GHR: variants seen among roughly 807,000 people sequenced by gnomAD.
GHR encodes the protein growth hormone receptor.
A neutral mutation model predicts 67.1 loss-of-function variants in GHR; 35 were observed. The ratio of observed to expected loss-of-function variants is 0.52; its 90% confidence interval spans 0.40 to 0.69. The LOEUF (loss-of-function observed/expected upper bound fraction) is 0.69, where lower values mean the gene tolerates loss of function less well. Ranked by LOEUF, GHR falls within the 30% of genes least tolerant of loss-of-function variation. The pLI is 0.00. For missense variants in GHR, 792 were observed against 764.6 expected (o/e 1.04, Z -0.42); for synonymous variants, 272 against 269.1 (o/e 1.01, Z -0.10).
At chr5:42,652,019 C>G (rs933297008) in intron 3 of GHR, among the ~76,000 whole-genome samples, 9 of 152,128 alleles carry the variant, frequency 5.9e-5, no homozygotes, top group African/African-American at 1.9e-4. Flanking sequence ...CCATGGATTT[C>G]AAATTCAACA....
At chr5:42,549,753 T>G (rs886332108) in intron 1 of GHR, 8 of 690,772 alleles carry the variant, frequency 1.2e-5, no homozygotes, top group Non-Finnish European at 1.4e-5. Context: ...CTAAAAGTAC[T>G]GGGGGGTTTG....
chr5:42,693,576 GT>G lies in GHR; in HGVS notation c.267-1337del, dbSNP rs1264455389. Among the ~76,000 whole-genome samples, 3 of 152,232 alleles carry G rather than the reference GT, an allele frequency of 2.0e-5. No individual in the cohort carries two copies. In the East Asian group the frequency reaches 5.8e-4, roughly 29 times the overall value. ...TCAAGGACCCTCTGATACTACACAA[GT>G]TTTCTCCTAGTGCCAAGCAGACCAG... On this transcript the variant is annotated intron_variant, in intron 4 of 9. Transcript: ENST00000230882.
rs186575561 is a variant in GHR, at chr5:42,721,352, A to G, written c.*1928A>G. On this transcript the variant is annotated 3_prime_UTR_variant, in exon 10 of 10. Coordinates refer to ENST00000230882, the MANE Select transcript of GHR (RefSeq NM_000163.5). ...AAAACTTTGAAGTTAGCTTTAACTT[A>G]AATAGTATTTCCCATTTATCGCAGA... 1 of 152,354 alleles carries G rather than the reference A, an allele frequency of 6.6e-6. No individual in the cohort carries two copies. The highest frequency in any genetic ancestry group is 1.5e-5 in the Non-Finnish European group (1 of 68,022). The allele number at this position is 152,354 out of a possible 1,614,324, so 9.4% of individuals were successfully genotyped here. A position where few individuals can be genotyped will look rare whatever the true frequency, so the allele number is the denominator to read the frequency against.
chr5:42,593,712 T>A (rs1751919008), intron 2 of GHR, among the ~76,000 whole-genome samples: 1 of 152,206 alleles, frequency 6.6e-6, no homozygotes. Flanking sequence ...GGGAATGTCC[T>A]TAAGTAGAAA....
intron 3 of GHR, among the ~76,000 whole-genome samples, chr5:42,665,551 A>T (rs567596284): frequency 3.0e-4 from 46 of 151,918 alleles, no homozygotes; most frequent in Non-Finnish European, 5.9e-4. Context: ...AACAATGAGA[A>T]CACATGGACA....
At chr5:42,532,352 A>AGAT (rs747627973) in intron 1 of GHR, among the ~76,000 whole-genome samples, 2 of 99,320 alleles carry the variant, frequency 2.0e-5, no homozygotes, top group African/African-American at 7.1e-5. Flanking sequence ...TATAGATGAT[A>AGAT]GATAGATAGA....
chr5:42,606,999 T>C (rs1468908601), intron 2 of GHR, among the ~76,000 whole-genome samples: 3 of 152,266 alleles, frequency 2.0e-5, no homozygotes, highest in East Asian at 1.9e-4. Flanking sequence ...CAAAGATTGA[T>C]CATGGGGACG....
chr5:42,662,367 T>G (rs1755689750), intron 3 of GHR, among the ~76,000 whole-genome samples: 1 of 152,088 alleles, frequency 6.6e-6, no homozygotes, highest in South Asian at 2.1e-4. Context: ...AAAGCTCTCC[T>G]CAGCAAATGG....
At chr5:42,648,085 G>C (rs543427641) in intron 3 of GHR, among the ~76,000 whole-genome samples, 1 of 152,112 alleles carries the variant, frequency 6.6e-6, no homozygotes, top group Admixed American at 6.5e-5. Flanking sequence ...TAAAAAGAGC[G>C]TAGAAACCCT....
At chr5:42,458,611 A>G (rs1298262345) in intron 1 of GHR, among the ~76,000 whole-genome samples, 1 of 152,266 alleles carries the variant, frequency 6.6e-6, no homozygotes, top group Admixed American at 6.5e-5. Context: ...AGATGTCAAA[A>G]GCAATTGCAA....
At chr5:42,557,263 T>C (rs970348578) in intron 1 of GHR, among the ~76,000 whole-genome samples, 4 of 152,142 alleles carry the variant, frequency 2.6e-5, no homozygotes, top group African/African-American at 9.7e-5. Context: ...GTCCTTCCCT[T>C]TCCTGGACCT....
At chr5:42,485,315 T>C (rs1451607983) in intron 1 of GHR, among the ~76,000 whole-genome samples, 6 of 152,256 alleles carry the variant, frequency 3.9e-5, no homozygotes, top group African/African-American at 1.4e-4. Flanking sequence ...TCTTCACTTA[T>C]GAAGGCTTCC....
chr5:42,510,287 A>G (rs1276670801), intron 1 of GHR, among the ~76,000 whole-genome samples: 1 of 152,080 alleles, frequency 6.6e-6, no homozygotes, highest in Admixed American at 6.5e-5. Context: ...TACCTGTTCT[A>G]TATGCTTTTA....
At position 42,710,384 on chromosome 5, in the gene GHR, A is replaced by AC. The variant is rs72539987; in HGVS notation, c.619-823_619-822insC. On this transcript the variant is annotated intron_variant, in intron 6 of 9. Coordinates refer to ENST00000230882, the MANE Select transcript of GHR (RefSeq NM_000163.5). Reference sequence around the variant, plus strand: ...ACAAGGTGTTCTACCAAAAAAAAGTATAAAAGCACATTGAATAACTGCTTT... The same window carrying AC: ...ACAAGGTGTTCTACCAAAAAAAAGTACTAAAAGCACATTGAATAACTGCTTT... 4.8e-5 allele frequency among the ~76,000 whole-genome samples: 3 copies of AC among 62,590 alleles called. 1 individual carries two copies. The South Asian group carries it at 2.9e-3, about 61-fold the overall frequency. 41.1% of individuals were successfully genotyped at this position (62,590 alleles called of 152,430 possible).
rs192965933 is a variant in GHR at position 42,663,051 on chromosome 5, T to G, written c.137-25839T>G. 2.1e-3 allele frequency among the ~76,000 whole-genome samples: 315 copies of G among 151,774 alleles called. 1 individual carries two copies. The highest frequency in any genetic ancestry group is 7.3e-3 in the African/African-American group (304 of 41,380). On this transcript the variant is annotated intron_variant, in intron 3 of 9. Transcript: ENST00000230882. ...CCTCCCAAGACTAAACCAGGAAGAG[T>G]TGAATCTCTGAATAGACCAATAACA...
intron 5 of GHR, 81 bp downstream of exon 5, chr5:42,695,170 A>T: frequency 1.1e-6 from 1 of 934,984 alleles, no homozygotes; most frequent in Middle Eastern, 2.4e-4. Context: ...AGTATAATCA[A>T]GTAGGAAGAC....
In GHR at chr5:42,637,508, T is replaced by C. The variant is rs146713325; in HGVS notation, c.136+8405T>C. ...TCTACTGTTGCCATCTTTATACCCA[T>C]GTTTATCCAGTGTTTAGCTCCTGCT... On this transcript the variant is annotated intron_variant, in intron 3 of 9. Coordinates refer to ENST00000230882, the MANE Select transcript of GHR (RefSeq NM_000163.5). Among the ~76,000 whole-genome samples the C allele has an allele frequency of 3.5e-4, 53 of 152,282 alleles. 2 individuals carry two copies. In the South Asian group the frequency reaches 9.1e-3, roughly 26 times the overall value.
At chr5:42,486,608 G>C (rs970233928) in intron 1 of GHR, among the ~76,000 whole-genome samples, 2 of 152,182 alleles carry the variant, frequency 1.3e-5, no homozygotes, top group African/African-American at 4.8e-5. Context: ...AGCACTTTGG[G>C]AGTCCGAGGC....
chr5:42,581,740 C>T (rs1751181369), intron 2 of GHR, among the ~76,000 whole-genome samples: 1 of 152,152 alleles, frequency 6.6e-6, no homozygotes, highest in South Asian at 2.1e-4. Flanking sequence ...TGGTTGTGCC[C>T]TCCACAGAGC....
Sources: gnomAD v4.1 joint callset for allele counts (sites outside exome capture counted in the v4.1 genomes callset) on GRCh38, gnomAD v4.1.1 for gene constraint, MANE v1.5 for transcripts, NCBI Gene and HGNC (gene_info 2026-07-23, HGNC 2026-07-21) for gene names.